Variants in GALNT13 observed in about 807,000 individuals in gnomAD.
GALNT13 encodes polypeptide N-acetylgalactosaminyltransferase 13.
GALNT13 carries 28 observed loss-of-function variants against 64.2 expected under a neutral mutation model. The ratio of observed to expected loss-of-function variants is 0.44; its 90% confidence interval spans 0.32 to 0.60. The LOEUF is 0.60. Among genes scored for constraint, GALNT13 ranks in the 20% least tolerant of loss-of-function variants. The probability of loss-of-function intolerance (pLI) is 0.05; values close to 1 mark genes in which losing one functional copy is unlikely to be tolerated. For synonymous variants in GALNT13, 214 were observed against 224.6 expected, an observed-to-expected ratio of 0.95 and a Z score of 0.42; for missense variants, 577 against 669.8, an observed-to-expected ratio of 0.86 and a Z score of 1.53.
the GALNT13 span, among the ~76,000 whole-genome samples, chr2:153,503,500 G>T: frequency 1.3e-5 from 2 of 152,064 alleles, no homozygotes; most frequent in African/African-American, 4.8e-5. Flanking sequence ...GAGTGCAGTG[G>T]CAAAATCTCA....
At chr2:153,302,012 G>A in the GALNT13 span, among the ~76,000 whole-genome samples, 1 of 151,984 alleles carries the variant, frequency 6.6e-6, no homozygotes, top group Admixed American at 6.6e-5. Context: ...GAACATGGAA[G>A]TACAGGTATT....
At chr2:154,272,764 T>C (rs1443625202) in intron 8 of GALNT13, among the ~76,000 whole-genome samples, 1 of 152,168 alleles carries the variant, frequency 6.6e-6, no homozygotes. Context: ...AATATTCTAA[T>C]AAAGAAATGT....
the GALNT13 span, among the ~76,000 whole-genome samples, chr2:153,244,063 GA>G: frequency 7.2e-6 from 1 of 139,296 alleles, no homozygotes; most frequent in Non-Finnish European, 1.5e-5. Context: ...GTACTATTGA[GA>G]AAAAATGAAA....
At chr2:153,179,119 A>T in the GALNT13 span, among the ~76,000 whole-genome samples, 1 of 152,182 alleles carries the variant, frequency 6.6e-6, no homozygotes, top group African/African-American at 2.4e-5. Flanking sequence ...GCCCAGACCA[A>T]TGTCACATAG....
the GALNT13 span, among the ~76,000 whole-genome samples, chr2:153,600,529 T>C: frequency 6.6e-6 from 1 of 151,928 alleles, no homozygotes; most frequent in African/African-American, 2.4e-5. Flanking sequence ...ATCTACATAC[T>C]TATGCAAGAG....
the GALNT13 span, among the ~76,000 whole-genome samples, chr2:153,193,389 T>C: frequency 7.1e-6 from 1 of 140,240 alleles, no homozygotes; most frequent in Non-Finnish European, 1.5e-5. Flanking sequence ...AGGTGGGAAT[T>C]GAACAATGAG....
At chr2:154,181,112 A>G (rs1411091221) in intron 4 of GALNT13, among the ~76,000 whole-genome samples, 2 of 152,290 alleles carry the variant, frequency 1.3e-5, no homozygotes, top group East Asian at 3.9e-4. Context: ...CTGCATTCCT[A>G]GAACCAATTT....
chr2:153,997,313 C>G (rs1224499758), intron 3 of GALNT13, among the ~76,000 whole-genome samples: 4 of 151,882 alleles, frequency 2.6e-5, no homozygotes, highest in African/African-American at 7.3e-5. Context: ...TATGTAATAT[C>G]TTTTTATTTG....
At chr2:153,762,031 C>G in the GALNT13 span, 1 of 155,142 alleles carries the variant, frequency 6.4e-6, no homozygotes, top group African/African-American at 2.4e-5. Context: ...AATCTTTTCC[C>G]CTCAAACTAT....
the GALNT13 span, among the ~76,000 whole-genome samples, chr2:153,189,455 A>G: frequency 2.6e-5 from 4 of 152,164 alleles, 1 homozygote; most frequent in African/African-American, 2.4e-5. Flanking sequence ...GTCAGGTAAT[A>G]TTCTACTATG....
the GALNT13 span, chr2:153,159,421 T>G: frequency 3.9e-5 from 6 of 152,320 alleles, no homozygotes; most frequent in African/African-American, 1.4e-4. Flanking sequence ...AGGCTGTGGG[T>G]CACAAGTGCC....
At chr2:153,164,929 T>A in the GALNT13 span, among the ~76,000 whole-genome samples, 4 of 152,216 alleles carry the variant, frequency 2.6e-5, no homozygotes, top group Non-Finnish European at 2.9e-5. Flanking sequence ...AAGTATTCAT[T>A]TCTCCGTACC....
chr2:154,016,745 C>T (rs1035047514), intron 3 of GALNT13, among the ~76,000 whole-genome samples: 2 of 152,068 alleles, frequency 1.3e-5, no homozygotes, highest in Non-Finnish European at 2.9e-5. Flanking sequence ...ATCAAGCCAA[C>T]AGGATGATTT....
the GALNT13 span, among the ~76,000 whole-genome samples, chr2:153,786,012 C>T: frequency 1.3e-5 from 2 of 151,742 alleles, no homozygotes; most frequent in African/African-American, 2.4e-5. Flanking sequence ...GCCAGCAGTG[C>T]GGATGCTCCA....
chr2:153,789,889 T>G, the GALNT13 span, among the ~76,000 whole-genome samples: 1 of 152,148 alleles, frequency 6.6e-6, no homozygotes, highest in South Asian at 2.1e-4. Flanking sequence ...CAGAAAGAAA[T>G]TGATTCCCTG....
chr2:153,613,306 C>T, the GALNT13 span, among the ~76,000 whole-genome samples: 1 of 152,118 alleles, frequency 6.6e-6, no homozygotes, highest in Admixed American at 6.6e-5. Flanking sequence ...AGTATATCAA[C>T]AGGGTATCCA....
At chr2:154,003,807 G>A (rs1696071087) in intron 3 of GALNT13, among the ~76,000 whole-genome samples, 1 of 152,032 alleles carries the variant, frequency 6.6e-6, no homozygotes, top group Non-Finnish European at 1.5e-5. Flanking sequence ...AAAGTGTGTA[G>A]CACCTTCCCC....
chr2:153,086,073 G>T, the GALNT13 span, among the ~76,000 whole-genome samples: 1 of 152,130 alleles, frequency 6.6e-6, no homozygotes, highest in East Asian at 1.9e-4. Flanking sequence ...ACTTTCATGG[G>T]GTCTGTAGCC....
At chr2:153,588,649 C>A in the GALNT13 span, among the ~76,000 whole-genome samples, 1 of 152,188 alleles carries the variant, frequency 6.6e-6, no homozygotes. Flanking sequence ...CTTGAAGCTG[C>A]CCTGGAGACA....
Sources: allele counts gnomAD v4.1 joint callset (sites outside exome capture counted in the v4.1 genomes callset), GRCh38; gene constraint gnomAD v4.1.1; transcripts MANE v1.5; gene names NCBI Gene and HGNC (gene_info 2026-07-23, HGNC 2026-07-21).